The following INVS variants were observed in gnomAD, a reference collection of about 807,000 sequenced individuals.
The protein encoded by INVS is inversion of embryo turning homolog.
Under a neutral mutation model 108.8 loss-of-function variants are expected in INVS, and 86 were observed. The observed-to-expected ratio is 0.79, with a 90% CI of 0.66 to 0.95. The LOEUF is 0.95. Ranked by LOEUF, INVS falls within the 40% of genes least tolerant of loss-of-function variation. The probability of loss-of-function intolerance (pLI) is 0.00; values close to 1 mark genes in which losing one functional copy is unlikely to be tolerated. For missense variants in INVS, 1,169 were observed against 1,297.4 expected (o/e 0.90, Z 1.52); for synonymous variants, 455 against 473.5 (o/e 0.96, Z 0.51).
chr9:100,166,566 T>G (rs1829371482), intron 3 of INVS, among the ~76,000 whole-genome samples: 1 of 152,168 alleles, frequency 6.6e-6, no homozygotes, highest in African/African-American at 2.4e-5. Context: ...AGGCGTAGCA[T>G]TTTTAGCAGA....
chr9:100,134,515 T>G (rs1244543823), intron 3 of INVS, among the ~76,000 whole-genome samples: 1 of 152,206 alleles, frequency 6.6e-6, no homozygotes, highest in Admixed American at 6.5e-5. Flanking sequence ...TTAAGGAATC[T>G]CCACACTGTT....
intron 2 of INVS, among the ~76,000 whole-genome samples, chr9:100,105,130 C>T (rs1588000794): frequency 6.6e-6 from 1 of 152,162 alleles, no homozygotes. Flanking sequence ...ACCTTAGCTT[C>T]CTGCTAAAGC....
chr9:100,145,281 A>T (rs1253312082), intron 3 of INVS, among the ~76,000 whole-genome samples: 1 of 151,588 alleles, frequency 6.6e-6, no homozygotes, highest in African/African-American at 2.4e-5. Context: ...GGGTCGGGGC[A>T]TGGAGATATA....
In INVS at chr9:100,292,652, AGAG is replaced by A; in HGVS notation, c.2401_2403del (p.Gly801del). 6.2e-7 allele frequency: 1 copy of A among 1,614,010 alleles called. No individual in the cohort carries two copies. The highest frequency in any genetic ancestry group is 8.5e-7 in the Non-Finnish European group (1 of 1,179,864). On this transcript the variant is annotated inframe_deletion, in exon 14 of 17. Transcript: ENST00000262457. ...CCAGAAAAGGCGCACTCAAGAGCTC[AGAG>A]GAGGAAGGTGCTCTCCGGCTGGTTC...
intron 3 of INVS, among the ~76,000 whole-genome samples, chr9:100,206,470 C>T (rs772515483): frequency 7.2e-5 from 11 of 151,962 alleles, no homozygotes. Flanking sequence ...CAAATGTGCA[C>T]ATTTTGACAC....
chr9:100,166,381 G>A (rs1276453817), intron 3 of INVS, among the ~76,000 whole-genome samples: 1 of 152,114 alleles, frequency 6.6e-6, no homozygotes, highest in African/African-American at 2.4e-5. Context: ...AAACTAGCCA[G>A]GCATGGTGGT....
Position 100,284,575 on chromosome 9 carries a change from G to A in INVS, c.2040G>A (p.Leu680=). ...LQKEQHVSSD[L]QGTNSRRPNE... ...AGGAGCAGCATGTTTCCTCAGATTT[G>A]CAGGGAACAAACTCCAGAAGGCCAA... Residue 680 remains leucine, a synonymous_variant, in exon 13 of 17, where the codon TTG becomes TTA. Transcript: ENST00000262457. 2 of 1,613,726 alleles carry A rather than the reference G, an allele frequency of 1.2e-6. No individual in the cohort carries two copies. Among genetic ancestry groups the A allele is most frequent in the East Asian group, 4.5e-5 (2 of 44,876 alleles).
chr9:100,173,032 T>C (rs1829590689), intron 3 of INVS, among the ~76,000 whole-genome samples: 1 of 152,046 alleles, frequency 6.6e-6, no homozygotes, highest in South Asian at 2.1e-4. Flanking sequence ...AATAACTTAG[T>C]TAGAAGGATG....
chr9:100,216,992 C>G (rs1032134205), intron 3 of INVS, among the ~76,000 whole-genome samples: 2 of 152,146 alleles, frequency 1.3e-5, no homozygotes, highest in African/African-American at 4.8e-5. Flanking sequence ...CTCTAGGGTT[C>G]TTGTCCTTAC....
chr9:100,195,217 T>C (rs1469897069), intron 3 of INVS, among the ~76,000 whole-genome samples: 1 of 152,222 alleles, frequency 6.6e-6, no homozygotes, highest in Non-Finnish European at 1.5e-5. Context: ...TTGAGGAAAC[T>C]TTCTTTTGAT....
rs768240374 is a variant in INVS at position 100,126,509 on chromosome 9, A to G, written c.233A>G (p.Asp78Gly). ...GCAGGAGCAGATGTGAATAAAACTG[A>G]CCATAGCCAGAGAACAGCCCTCCAT... The part of the protein sequence containing the change: ...LKAGADVNKT[D>G]HSQRTALHLA... Residue 78 changes from aspartate to glycine, a missense_variant, in exon 3 of 17, where the codon GAC becomes GGC. Asp to Gly is a moderately conservative substitution (Grantham distance 94). This residue lies in a region of INVS where 365 missense variants were observed against 397.5 expected (regional missense o/e 0.92). Transcript: ENST00000262457. 1 of 1,614,184 alleles carries G rather than the reference A, an allele frequency of 6.2e-7. No individual in the cohort carries two copies. The highest frequency in any genetic ancestry group is 8.5e-7 in the Non-Finnish European group (1 of 1,180,022).
chr9:100,160,954 CAAA>C (rs34945084), intron 3 of INVS, among the ~76,000 whole-genome samples: 15,813 of 72,708 alleles, frequency 0.22, 1,309 homozygotes, highest in African/African-American at 0.42. Flanking sequence ...GACTCTGTCT[CAAA>C]AAAAAAAAAA....
At chr9:100,272,293 C>A (rs1010170309) in intron 11 of INVS, among the ~76,000 whole-genome samples, 9 of 152,120 alleles carry the variant, frequency 5.9e-5, no homozygotes, top group African/African-American at 2.2e-4. Flanking sequence ...TTTGCTCTAT[C>A]CAGAATTTAT....
intron 3 of INVS, among the ~76,000 whole-genome samples, chr9:100,184,976 C>G (rs182413320): frequency 1.5e-4 from 23 of 152,182 alleles, no homozygotes; most frequent in African/African-American, 5.5e-4. Flanking sequence ...GTAATGCATG[C>G]CATAGATTTA....
chr9:100,246,936 C>G, intron 8 of INVS, 149 bp downstream of exon 8: 2 of 745,428 alleles, frequency 2.7e-6, no homozygotes, highest in Non-Finnish European at 4.7e-6. Context: ...TTGGGTTTGC[C>G]AGGATGTCAC....
chr9:100,195,915 G>C (rs988485205), intron 3 of INVS, among the ~76,000 whole-genome samples: 1 of 152,080 alleles, frequency 6.6e-6, no homozygotes, highest in Non-Finnish European at 1.5e-5. Flanking sequence ...AAGGAATATT[G>C]GTCTATAGTT....
At chr9:100,260,784 A>G (rs1346543174) in intron 10 of INVS, among the ~76,000 whole-genome samples, 1 of 152,202 alleles carries the variant, frequency 6.6e-6, no homozygotes, top group Non-Finnish European at 1.5e-5. Context: ...TAACCCAAAT[A>G]TAGGTTAAAT....
At chr9:100,112,229 C>A (rs779943588) in intron 2 of INVS, among the ~76,000 whole-genome samples, 22 of 152,198 alleles carry the variant, frequency 1.4e-4, no homozygotes, top group Non-Finnish European at 2.9e-4. Flanking sequence ...GCCTCAGCCT[C>A]CCAAAGTGCT....
intron 12 of INVS, among the ~76,000 whole-genome samples, chr9:100,279,402 C>G (rs1222557156): frequency 2.0e-5 from 3 of 152,162 alleles, no homozygotes; most frequent in African/African-American, 7.2e-5. Context: ...AGGCTGTCCC[C>G]AGATGCTAGC....
Sources: allele counts gnomAD v4.1 joint callset (sites outside exome capture counted in the v4.1 genomes callset), GRCh38; gene constraint gnomAD v4.1.1; regional missense constraint gnomAD v4.1.1; transcripts MANE v1.5; gene names NCBI Gene and HGNC (gene_info 2026-07-23, HGNC 2026-07-21).